ERBB4: variants seen among roughly 807,000 people sequenced by gnomAD.
ERBB4 encodes erb-b2 receptor tyrosine kinase 4.
A neutral mutation model predicts 158.0 loss-of-function variants in ERBB4; 42 were observed. The observed-to-expected ratio is 0.27, with a 90% CI of 0.21 to 0.34. The LOEUF is 0.34. Among genes scored for constraint, ERBB4 ranks in the 10% least tolerant of loss-of-function variants. The pLI, the probability that ERBB4 is intolerant of heterozygous loss-of-function variation, is 1.00. For missense variants in ERBB4, 1,333 were observed against 1,624.1 expected (o/e 0.82, Z 3.08); for synonymous variants, 583 against 558.7 (o/e 1.04, Z -0.61).
chr2:211,712,201 G>C (rs60250922), intron 8 of ERBB4, 25 bp from the exon 9 acceptor site: 6 of 1,612,604 alleles, frequency 3.7e-6, no homozygotes, highest in Middle Eastern at 1.7e-4. Flanking sequence ...CTCAGAGTTA[G>C]GGGATTGAGA....
chr2:212,142,334 T>A (rs1453852670), intron 1 of ERBB4, among the ~76,000 whole-genome samples: 1 of 151,944 alleles, frequency 6.6e-6, no homozygotes, highest in Non-Finnish European at 1.5e-5. Context: ...AGGTACTCAA[T>A]AAATATTTAA....
intron 10 of ERBB4, among the ~76,000 whole-genome samples, chr2:211,704,995 T>C (rs1446075086): frequency 2.6e-5 from 4 of 152,138 alleles, no homozygotes; most frequent in African/African-American, 7.2e-5. Flanking sequence ...TCTCACTCTA[T>C]TGCCAGGCTG....
At chr2:212,232,886 C>G (rs1021731517) in intron 1 of ERBB4, among the ~76,000 whole-genome samples, 3 of 150,362 alleles carry the variant, frequency 2.0e-5, no homozygotes, top group Non-Finnish European at 4.4e-5. Context: ...TTGTCCCTTG[C>G]GCTACAGAGA....
chr2:211,721,442 G>GAAAAAAAA (rs2074086063), intron 7 of ERBB4, among the ~76,000 whole-genome samples: 2 of 4,360 alleles, frequency 4.6e-4, no homozygotes, highest in South Asian at 4.9e-3. Flanking sequence ...GTTACTCAAA[G>GAAAAAAAA]CAAAAAAAAA....
chr2:211,552,684 G>T (rs1349163283), intron 20 of ERBB4, among the ~76,000 whole-genome samples: 1 of 152,088 alleles, frequency 6.6e-6, no homozygotes, highest in Admixed American at 6.5e-5. Context: ...GATTTTGAAA[G>T]GTAATAGTGG....
chr2:212,202,529 AG>A (rs2082617861), intron 1 of ERBB4, among the ~76,000 whole-genome samples: 1 of 151,826 alleles, frequency 6.6e-6, no homozygotes, highest in Non-Finnish European at 1.5e-5. Context: ...TTGTAGAGAC[AG>A]GGGTCTCGCC....
At chr2:211,576,244 C>T (rs16846519) in intron 19 of ERBB4, among the ~76,000 whole-genome samples, 11,863 of 152,094 alleles carry the variant, frequency 0.078, 1,173 homozygotes, top group African/African-American at 0.23. Context: ...GTCAAAGGAA[C>T]ATGTGGCTTT....
At chr2:211,903,830 T>G (rs1331052340) in intron 3 of ERBB4, among the ~76,000 whole-genome samples, 1 of 151,702 alleles carries the variant, frequency 6.6e-6, no homozygotes, top group Admixed American at 6.6e-5. Flanking sequence ...CCTTCTTGGT[T>G]GCAAGAATAT....
At chr2:212,008,921 A>G (rs1270965687) in intron 2 of ERBB4, among the ~76,000 whole-genome samples, 2 of 152,152 alleles carry the variant, frequency 1.3e-5, no homozygotes, top group Non-Finnish European at 2.9e-5. Flanking sequence ...GCTTTACATG[A>G]CATTTATCTT....
intron 2 of ERBB4, among the ~76,000 whole-genome samples, chr2:212,068,569 A>G (rs760288758): frequency 1.3e-5 from 2 of 152,056 alleles, no homozygotes; most frequent in Non-Finnish European, 2.9e-5. Flanking sequence ...CTTACACACC[A>G]AAAGCTACCC....
At chr2:212,078,699 C>T (rs2078343456) in intron 2 of ERBB4, among the ~76,000 whole-genome samples, 1 of 151,734 alleles carries the variant, frequency 6.6e-6, no homozygotes, top group African/African-American at 2.4e-5. Flanking sequence ...TTTCCAAAGA[C>T]ATCCACCATT....
intron 3 of ERBB4, among the ~76,000 whole-genome samples, chr2:211,920,926 A>C (rs1350546266): frequency 6.6e-6 from 1 of 151,946 alleles, no homozygotes; most frequent in Non-Finnish European, 1.5e-5. Flanking sequence ...ATTTTGAATT[A>C]TGTTTATTAA....
intron 2 of ERBB4, among the ~76,000 whole-genome samples, chr2:211,972,905 T>A (rs563151877): frequency 4.6e-5 from 7 of 152,158 alleles, no homozygotes; most frequent in African/African-American, 1.4e-4. Context: ...CATTGCTAAA[T>A]GGGATATAAT....
chr2:211,467,596 T>G (rs894865126), intron 20 of ERBB4, among the ~76,000 whole-genome samples: 2 of 152,166 alleles, frequency 1.3e-5, no homozygotes, highest in Non-Finnish European at 2.9e-5. Flanking sequence ...AAAGAAAGCA[T>G]TCTAATCTGG....
At chr2:211,809,502 G>A (rs555322061) in intron 3 of ERBB4, among the ~76,000 whole-genome samples, 8 of 152,118 alleles carry the variant, frequency 5.3e-5, no homozygotes, top group Non-Finnish European at 7.4e-5. Flanking sequence ...ATTCTCTGAT[G>A]GTAGTTTGTA....
chr2:212,124,408 C>G (rs1463764418), intron 2 of ERBB4, among the ~76,000 whole-genome samples: 1 of 152,078 alleles, frequency 6.6e-6, no homozygotes. Flanking sequence ...ATGGAGACGA[C>G]TGGCTAGAGT....
chr2:212,050,773 AT>A (rs35561283), intron 2 of ERBB4, among the ~76,000 whole-genome samples: 16 of 151,800 alleles, frequency 1.1e-4, no homozygotes, highest in Admixed American at 6.6e-4. Flanking sequence ...CTTTTAGCCT[AT>A]TTTTTTCTTT....
chr2:211,853,801 C>CATG (rs2077779425), intron 3 of ERBB4, among the ~76,000 whole-genome samples: 2 of 152,052 alleles, frequency 1.3e-5, no homozygotes, highest in African/African-American at 4.8e-5. Flanking sequence ...TTACATTTTA[C>CATG]CACAATTTGT....
intron 20 of ERBB4, among the ~76,000 whole-genome samples, chr2:211,436,338 T>C (rs1011359555): frequency 7.2e-5 from 11 of 152,196 alleles, no homozygotes; most frequent in African/African-American, 2.7e-4. Context: ...GAATGCAAGA[T>C]GGTAGAGTGG....
Sources: gnomAD v4.1 joint callset for allele counts (sites outside exome capture counted in the v4.1 genomes callset) on GRCh38, gnomAD v4.1.1 for gene constraint, MANE v1.5 for transcripts, NCBI Gene and HGNC (gene_info 2026-07-23, HGNC 2026-07-21) for gene names.